Variants in KLK1 observed in about 807,000 individuals in gnomAD.
The protein encoded by KLK1 is kallikrein 1.
In KLK1, 22 loss-of-function variants were observed where a neutral mutation model predicts 23.3. The observed-to-expected ratio is 0.95, with a 90% CI of 0.68 to 1.35. The LOEUF (loss-of-function observed/expected upper bound fraction) is 1.35. Ranked by LOEUF, KLK1 falls within the 40% of genes most tolerant of loss-of-function variation. The pLI, the probability that KLK1 is intolerant of heterozygous loss-of-function variation, is 0.00. For missense variants in KLK1, 301 were observed against 338.9 expected (o/e 0.89, Z 0.88); for synonymous variants, 140 against 135.8 (o/e 1.03, Z -0.21).
chr19:50,821,729 A>C lies in KLK1; in HGVS notation c.189T>G (p.Ala63=). 1 of 1,612,578 alleles carries C rather than the reference A, an allele frequency of 6.2e-7. No individual in the cohort carries two copies. The highest frequency in any genetic ancestry group is 8.5e-7 in the Non-Finnish European group (1 of 1,179,164). The change falls in exon 2 of 5, where the codon GCT becomes GCG. Residue 63 remains alanine, a synonymous_variant. Coordinates refer to ENST00000301420, the MANE Select transcript of KLK1 (RefSeq NM_002257.4). The surrounding 1 kb of genome is among the most constrained non-coding windows in gnomAD (Gnocchi z 5.6). The stretch of plus-strand genomic sequence containing the variant: ...CTACTCACTCGCTGATGCAATGAGC[A>C]GCTGTGAGCACCCACTGGCGGTGCA... ...ILVHRQWVLT[A]AHCISDNYQL...
intron 2 of KLK1, 31 bp from the exon 3 acceptor site, chr19:50,820,474 AGACGGGAAGGGGAAAAGGG>A: frequency 9.7e-7 from 1 of 1,031,610 alleles, no homozygotes; most frequent in Non-Finnish European, 1.4e-6. Context: ...AGGGATGAGA[AGACGGGAAGGGGAAAAGGG>A]GATGGGGCAG....
rs1481845829 is a variant in KLK1, at chr19:50,821,453, A to G, written c.206+259T>C. Among the ~76,000 whole-genome samples, 1 of 152,034 alleles carries G rather than the reference A, an allele frequency of 6.6e-6. No individual in the cohort carries two copies. Among genetic ancestry groups the G allele is most frequent in the East Asian group, 1.9e-4 (1 of 5,176 alleles). On this transcript the variant is annotated intron_variant, in intron 2 of 4. Transcript: ENST00000301420. This position sits in a 1 kb window ranked among gnomAD's most constrained non-coding sequence, Gnocchi z 5.6. ...AGACAGGGGAGATGCAGAGACAAGG[A>G]GACAGAGGAGAGAGAGGAAGACAGA...
rs1159113880 is a variant in KLK1 at position 50,822,555 on chromosome 19, G to A, written c.47-684C>T. Reference sequence around the variant, plus strand: ...TAAGGCTAGAGGTGGGCTTCCGAGAGGTTTTGGGGTCCTTCCTGTGAACCA... The same window carrying A: ...TAAGGCTAGAGGTGGGCTTCCGAGAAGTTTTGGGGTCCTTCCTGTGAACCA... On this transcript the variant is annotated intron_variant, in intron 1 of 4. Transcript: ENST00000301420. 9.1e-6 allele frequency: 9 copies of A among 985,292 alleles called. No homozygotes were observed. In the East Asian group the frequency reaches 7.9e-4, roughly 87 times the overall value. 61.0% of individuals were successfully genotyped at this position (985,292 alleles called of 1,614,324 possible).
intron 1 of KLK1, chr19:50,822,283 C>T (rs1386150245): frequency 5.7e-5 from 57 of 996,680 alleles, no homozygotes; most frequent in South Asian, 9.2e-5. Context: ...ATCAGAGGCT[C>T]ACTGAGGAAG....
In KLK1 at chr19:50,823,719, C is replaced by T; in HGVS notation, c.30G>A (p.Leu10=). Residue 10 remains leucine, a synonymous_variant, in exon 1 of 5, where the codon CTG becomes CTA. Transcript: ENST00000301420. ...CTGTCTCACCAGTCCCCCCCAGGGA[C>T]AGGGCGAGGCACAGAACCAGGAACC... The part of the protein sequence containing the change: MWFLVLCLA[L]SLGGTGAAPP... The T allele has an allele frequency of 6.2e-7, 1 of 1,610,062 alleles. No individual in the cohort carries two copies. Among genetic ancestry groups the T allele is most frequent in the Non-Finnish European group, 8.5e-7 (1 of 1,177,078 alleles).
rs769905320 is a variant in KLK1 at position 50,819,147 on chromosome 19, T to C, written c.*47A>G. On this transcript the variant is annotated 3_prime_UTR_variant, in exon 5 of 5. Transcript: ENST00000301420. ...GGTGATGGCAGAACGTGACACACAT[T>C]GGATGCACATTTGATTTTACTGGGG... The C allele has an allele frequency of 6.4e-7, 1 of 1,550,576 alleles. No homozygotes were observed. The highest frequency in any genetic ancestry group is 2.3e-5 in the East Asian group (1 of 43,940).
At position 50,819,256 on chromosome 19, in the gene KLK1, C is replaced by T. The variant is rs2089806023; in HGVS notation, c.727G>A (p.Val243Ile). 1 of 1,614,190 alleles carries T rather than the reference C, an allele frequency of 6.2e-7. No homozygotes were observed. The highest frequency in any genetic ancestry group is 1.7e-5 in the Admixed American group (1 of 60,020). The change falls in exon 5 of 5, where the codon GTC (valine) becomes ATC (isoleucine). Residue 243 changes from valine (V) to isoleucine (I), a missense_variant. Physicochemically the swap from Val to Ile is conservative, Grantham distance 29. Coordinates refer to ENST00000301420, the MANE Select transcript of KLK1 (RefSeq NM_002257.4). Reference protein sequence around the residue: ...VPCGTPNKPSVAVRVLSYVKW... With the variant: ...VPCGTPNKPSIAVRVLSYVKW... ...ACATAAGACAGCACTCTGACGGCGACAGAAGGCTTATTGGGGGTGCCACAA... is the reference window on the plus strand; with the variant it reads ...ACATAAGACAGCACTCTGACGGCGATAGAAGGCTTATTGGGGGTGCCACAA...
Position 50,821,456 on chromosome 19 carries a change from CA to C in KLK1, c.206+255del, listed in dbSNP as rs1204032768. On this transcript the variant is annotated intron_variant, in intron 2 of 4. Coordinates refer to ENST00000301420, the MANE Select transcript of KLK1 (RefSeq NM_002257.4). The surrounding 1 kb of genome is among the most constrained non-coding windows in gnomAD (Gnocchi z 5.6). The stretch of plus-strand genomic sequence containing the variant: ...CAGGGGAGATGCAGAGACAAGGAGA[CA>C]GAGGAGAGAGAGGAAGACAGAGACC... Among the ~76,000 whole-genome samples the C allele has an allele frequency of 1.3e-5, 2 of 151,978 alleles. No individual in the cohort carries two copies. Among genetic ancestry groups the C allele is most frequent in the African/African-American group, 4.8e-5 (2 of 41,364 alleles).
chr19:50,820,572 G>A, intron 2 of KLK1, 129 bp from the exon 3 acceptor site: 3 of 674,396 alleles, frequency 4.4e-6, no homozygotes, highest in East Asian at 2.6e-5. Flanking sequence ...GGAGACAGAG[G>A]AAGAAAGATA....
rs1273107969 is a variant in KLK1 at position 50,819,314 on chromosome 19, C to T, written c.669G>A (p.Val223=). The T allele has an allele frequency of 6.2e-7, 1 of 1,613,440 alleles. No homozygotes were observed. Among genetic ancestry groups the T allele is most frequent in the Non-Finnish European group, 8.5e-7 (1 of 1,179,498 alleles). ...DSGGPLMCDG[V]LQGVTSWGYV... is the part of the protein sequence containing the mutation. ...AGCCCCATGATGTGACACCTTGGAG[C>T]ACACCATCACACATCAGCGGGCCCC... The change falls in exon 5 of 5, where the codon GTG becomes GTA. Residue 223 remains valine (V), a synonymous_variant. Transcript: ENST00000301420.
rs2089828970 is a variant in KLK1 at position 50,821,645 on chromosome 19, T to C, written c.206+67A>G. ...CTTGCCTGAGGTTATCCAAGGGGAA[T>C]GCCACTGGCCTGTCAATCCTGTGGC... On this transcript the variant is annotated intron_variant, in intron 2 of 4. Transcript: ENST00000301420. The surrounding 1 kb of genome is among the most constrained non-coding windows in gnomAD (Gnocchi z 5.6). The C allele has an allele frequency of 6.7e-7, 1 of 1,485,432 alleles. No homozygotes were observed. Among genetic ancestry groups the C allele is most frequent in the Non-Finnish European group, 9.0e-7 (1 of 1,114,740 alleles). 92.0% of individuals were successfully genotyped at this position (1,485,432 alleles called of 1,614,324 possible).
In KLK1 at chr19:50,823,761, G is replaced by T. The variant is rs1352498944; in HGVS notation, c.-13C>A. On this transcript the variant is annotated 5_prime_UTR_variant, in exon 1 of 5. Transcript: ENST00000301420. ...CCAGGAACCACATGGTGACAGAGGTGTCCAGGGGCCAGCAGGTGGAGGAAC... is the reference window on the plus strand; with the variant it reads ...CCAGGAACCACATGGTGACAGAGGTTTCCAGGGGCCAGCAGGTGGAGGAAC... The T allele has an allele frequency of 1.9e-6, 3 of 1,608,434 alleles. No homozygotes were observed. In the Admixed American group the frequency reaches 5.0e-5, roughly 27 times the overall value.
intron 1 of KLK1, among the ~76,000 whole-genome samples, chr19:50,823,103 C>T (rs950662055): frequency 1.3e-5 from 2 of 151,920 alleles, no homozygotes; most frequent in Non-Finnish European, 2.9e-5. Context: ...GACCCCCCCC[C>T]ATACCAGATG....
intron 4 of KLK1, 38 bp downstream of exon 4, chr19:50,819,861 C>T (rs1254601801): frequency 3.7e-6 from 6 of 1,606,376 alleles, no homozygotes; most frequent in Non-Finnish European, 5.1e-6. Context: ...AGTCCCCTCC[C>T]TCAGCCCTTC....
Position 50,823,712 on chromosome 19 carries a change from C to A in KLK1, c.37G>T (p.Gly13Trp). 1 of 1,608,314 alleles carries A rather than the reference C, an allele frequency of 6.2e-7. No individual in the cohort carries two copies. Among genetic ancestry groups the A allele is most frequent in the Non-Finnish European group, 8.5e-7 (1 of 1,175,456 alleles). Residue 13 changes from glycine to tryptophan, a missense_variant, in exon 1 of 5, where the codon GGG (glycine) becomes TGG (tryptophan). Coordinates refer to ENST00000301420, the MANE Select transcript of KLK1 (RefSeq NM_002257.4). ...CCCCCCACTGTCTCACCAGTCCCCCCCAGGGACAGGGCGAGGCACAGAACC... is the reference window on the plus strand; with the variant it reads ...CCCCCCACTGTCTCACCAGTCCCCCACAGGGACAGGGCGAGGCACAGAACC... Reference protein sequence around the residue: ...FLVLCLALSLGGTGAAPPIQS... With the variant: ...FLVLCLALSLWGTGAAPPIQS...
chr19:50,820,449 G>A lies in KLK1; in HGVS notation c.207-6C>T, dbSNP rs2089819605. 3 of 1,354,482 alleles carry A rather than the reference G, an allele frequency of 2.2e-6. No individual in the cohort carries two copies. Among genetic ancestry groups the A allele is most frequent in the Non-Finnish European group, 2.9e-6 (3 of 1,021,906 alleles). The allele number at this position is 1,354,482 out of a possible 1,614,324, so 83.9% of individuals were successfully genotyped here. On this transcript the variant is annotated splice_region_variant and splice_polypyrimidine_tract_variant and intron_variant, in intron 2 of 4. Coordinates refer to ENST00000301420, the MANE Select transcript of KLK1 (RefSeq NM_002257.4). ...CCAGCCAGAGCTGGTAATTGCTGGG[G>A]AAAGATGGGAATGGAGGGATGAGAA...
chr19:50,819,146 T>C lies in KLK1; in HGVS notation c.*48A>G. On this transcript the variant is annotated 3_prime_UTR_variant, in exon 5 of 5. Coordinates refer to ENST00000301420, the MANE Select transcript of KLK1 (RefSeq NM_002257.4). ...AGGTGATGGCAGAACGTGACACACA[T>C]TGGATGCACATTTGATTTTACTGGG... 6.5e-7 allele frequency: 1 copy of C among 1,547,800 alleles called. No individual in the cohort carries two copies. Among genetic ancestry groups the C allele is most frequent in the Non-Finnish European group, 8.8e-7 (1 of 1,130,440 alleles).
intron 1 of KLK1, chr19:50,823,035 A>T (rs2089837535): frequency 7.6e-6 from 3 of 396,160 alleles, no homozygotes; most frequent in Non-Finnish European, 3.4e-6. Flanking sequence ...ATGTGGTGGG[A>T]GGGTGTGGTG....
intron 1 of KLK1, chr19:50,822,970 A>C (rs2089837184): frequency 1.1e-6 from 1 of 943,132 alleles, no homozygotes; most frequent in South Asian, 4.9e-5. Context: ...GGAACAATTC[A>C]GGCAGAGAAG....
Sources: allele counts gnomAD v4.1 joint callset (sites outside exome capture counted in the v4.1 genomes callset), GRCh38; gene constraint gnomAD v4.1.1; non-coding constraint Gnocchi (gnomAD v3.1); transcripts MANE v1.5; gene names NCBI Gene and HGNC (gene_info 2026-07-23, HGNC 2026-07-21).